Variants in ATXN2 observed in about 807,000 individuals in gnomAD.
The protein encoded by ATXN2 is ataxin-2.
A neutral mutation model predicts 138.6 loss-of-function variants in ATXN2; 37 were observed. That is an observed-to-expected ratio of 0.27 (90% CI 0.21 to 0.35). The LOEUF is 0.35. Among genes scored for constraint, ATXN2 ranks in the 10% least tolerant of loss-of-function variants. The pLI, the probability that ATXN2 is intolerant of heterozygous loss-of-function variation, is 1.00. For synonymous variants in ATXN2, 549 were observed against 543.7 expected (o/e 1.01, Z -0.13); for missense variants, 1,216 against 1,480.3 (o/e 0.82, Z 2.93).
At position 111,496,330 on chromosome 12, in the gene ATXN2, G is replaced by A. The variant is rs187599716; in HGVS notation, c.1936-7550C>T. Among the ~76,000 whole-genome samples the A allele has an allele frequency of 2.0e-3, 298 of 152,026 alleles. 1 individual carries two copies. The highest frequency in any genetic ancestry group is 6.8e-3 in the African/African-American group (284 of 41,464). On this transcript the variant is annotated intron_variant, in intron 14 of 24. Coordinates refer to ENST00000673436, the MANE Select transcript of ATXN2 (RefSeq NM_001372574.1). ...GTGGATCATCTGAGGTCAGGAGTTC[G>A]AGATCAGCTTGACCAACATGGTGAA...
At chr12:111,522,944 A>T (rs771669148) in intron 6 of ATXN2, among the ~76,000 whole-genome samples, 1 of 151,548 alleles carries the variant, frequency 6.6e-6, no homozygotes, top group East Asian at 1.9e-4. Context: ...AATTTCAGAC[A>T]TCTTCTAGGC....
intron 12 of ATXN2, 138 bp downstream of exon 12, chr12:111,510,247 T>A (rs1166948041): frequency 2.9e-6 from 3 of 1,029,064 alleles, no homozygotes. Flanking sequence ...AACATCAAAA[T>A]TTACATAAAC....
intron 1 of ATXN2, among the ~76,000 whole-genome samples, chr12:111,583,000 T>G (rs1307095635): frequency 0.014 from 1,931 of 135,740 alleles, 60 homozygotes; most frequent in African/African-American, 0.051. Context: ...TTTGTTTTTT[T>G]TTTTTTTTTG....
chr12:111,501,964 T>C (rs942752396), intron 14 of ATXN2, among the ~76,000 whole-genome samples: 1 of 151,930 alleles, frequency 6.6e-6, no homozygotes, highest in Non-Finnish European at 1.5e-5. Context: ...CAAGCTCACC[T>C]CACTGCAACC....
intron 6 of ATXN2, 54 bp downstream of exon 6, chr12:111,525,138 G>A (rs1880409027): frequency 8.4e-6 from 13 of 1,539,172 alleles, no homozygotes; most frequent in Non-Finnish European, 1.0e-5. Flanking sequence ...ACAACCAAGT[G>A]ACAGGATGTC....
At chr12:111,535,380 T>C (rs1021827665) in intron 5 of ATXN2, among the ~76,000 whole-genome samples, 1 of 151,964 alleles carries the variant, frequency 6.6e-6, no homozygotes, top group East Asian at 1.9e-4. Flanking sequence ...ATCCCAGCAA[T>C]TTGGGAGCCC....
rs1463558888 is a variant in ATXN2, at chr12:111,598,934, G to A, written c.101C>T (p.Ala34Val). 2.6e-6 allele frequency: 4 copies of A among 1,511,476 alleles called. No homozygotes were observed. In the African/African-American group the frequency reaches 4.3e-5, roughly 16 times the overall value. 93.6% of individuals were successfully genotyped at this position (1,511,476 alleles called of 1,614,324 possible). ...QQQQQPPPAA[A>V]NVRKPGGSGL... ...GCTGCCGCCGGGCTTGCGGACATTG[G>A]CAGCCGCGGGCGGCGGCTGCTGCTG... Residue 34 changes from alanine to valine, a missense_variant, in exon 1 of 25, where the codon GCC (alanine) becomes GTC (valine). By Grantham distance (64) the Ala-to-Val change is moderately conservative. Transcript: ENST00000673436. This position sits in a 1 kb window ranked among gnomAD's most constrained non-coding sequence, Gnocchi z 4.5.
intron 1 of ATXN2, among the ~76,000 whole-genome samples, chr12:111,585,801 CAAAAAAAAAAAA>C (rs761433806): frequency 6.9e-4 from 17 of 24,800 alleles, no homozygotes; most frequent in South Asian, 4.3e-3. Flanking sequence ...AACTCCATCT[CAAAAAAAAAAAA>C]AAAAAAAAAA....
chr12:111,490,664 C>T (rs551648268), intron 14 of ATXN2, among the ~76,000 whole-genome samples: 5 of 152,134 alleles, frequency 3.3e-5, no homozygotes, highest in African/African-American at 9.6e-5. Context: ...ATTAGGTAAG[C>T]GATCACAGTA....
At chr12:111,477,567 C>T (rs999462810) in intron 18 of ATXN2, among the ~76,000 whole-genome samples, 2 of 151,962 alleles carry the variant, frequency 1.3e-5, no homozygotes, top group African/African-American at 4.8e-5. Context: ...AAGCATGAAC[C>T]TTAAGAGAAA....
intron 1 of ATXN2, among the ~76,000 whole-genome samples, chr12:111,563,313 A>T (rs920337321): frequency 6.6e-6 from 1 of 152,102 alleles, no homozygotes; most frequent in Non-Finnish European, 1.5e-5. Flanking sequence ...GTGTATATAT[A>T]TGTGTATATA....
rs757873033 is a variant in ATXN2, at chr12:111,598,978, T to TGC, written c.56_57insGC (p.Gln20HisfsTer27). 181 of 1,292,984 alleles carry TGC rather than the reference T, an allele frequency of 1.4e-4. No homozygotes were observed. Among genetic ancestry groups the TGC allele is most frequent in the African/African-American group, 1.3e-3 (84 of 62,750 alleles). The allele number at this position is 1,292,984 out of a possible 1,614,324, so 80.1% of individuals were successfully genotyped here. On this transcript the variant is annotated frameshift_variant, in exon 1 of 25. Coordinates refer to ENST00000673436, the MANE Select transcript of ATXN2 (RefSeq NM_001372574.1). LOFTEE classifies it high-confidence loss of function. This position sits in a 1 kb window ranked among gnomAD's most constrained non-coding sequence, Gnocchi z 4.5. Reference sequence around the variant, plus strand: ...GCTGCTGCTGCTGCTGCTGCTGCTGTTGCTGCTGCTGCTGCTGCTGCTGCT... The same window carrying TGC: ...GCTGCTGCTGCTGCTGCTGCTGCTGTGCTGCTGCTGCTGCTGCTGCTGCTGCT...
rs146256091 is a variant in ATXN2, at chr12:111,455,044, C to A, written c.3270+985G>T. The A allele has an allele frequency of 1.2e-4, 81 of 703,020 alleles. No homozygotes were observed. In the African/African-American group the frequency reaches 1.4e-3, roughly 12 times the overall value. 43.5% of individuals were successfully genotyped at this position (703,020 alleles called of 1,614,324 possible). ...TCCCAGAGCTGTGGAACTCTACTTA[C>A]AAGGTAGCCTTCTGAGAGATAGATC... On this transcript the variant is annotated intron_variant, in intron 23 of 24. Transcript: ENST00000673436.
intron 14 of ATXN2, among the ~76,000 whole-genome samples, chr12:111,490,046 T>C (rs1169077904): frequency 1.4e-5 from 2 of 143,060 alleles, no homozygotes; most frequent in South Asian, 4.4e-4. Flanking sequence ...CTACTAAAGA[T>C]AAAAAAAAAA....
chr12:111,477,968 T>C (rs977650944), intron 18 of ATXN2, among the ~76,000 whole-genome samples: 1 of 151,598 alleles, frequency 6.6e-6, no homozygotes, highest in African/African-American at 2.4e-5. Context: ...CTTTTTTCTT[T>C]TTTTTTTTTG....
intron 20 of ATXN2, among the ~76,000 whole-genome samples, chr12:111,466,204 A>T (rs926002693): frequency 2.7e-5 from 4 of 148,730 alleles, no homozygotes; most frequent in South Asian, 2.1e-4. Context: ...TAAAAAATAA[A>T]AAAAAAAAAA....
At chr12:111,464,247 G>GGGGGGT (rs71445545) in intron 21 of ATXN2, among the ~76,000 whole-genome samples, 5 of 134,630 alleles carry the variant, frequency 3.7e-5, no homozygotes, top group Admixed American at 7.5e-5. Context: ...TGTGGCTTGG[G>GGGGGGT]GTGTGTGTGT....
At chr12:111,508,067 T>C (rs1383082789) in intron 14 of ATXN2, among the ~76,000 whole-genome samples, 2 of 152,106 alleles carry the variant, frequency 1.3e-5, no homozygotes, top group East Asian at 3.9e-4. Context: ...GAGACCTTTG[T>C]TCACTTTTTA....
At chr12:111,507,240 C>T (rs1393041616) in intron 14 of ATXN2, among the ~76,000 whole-genome samples, 1 of 150,960 alleles carries the variant, frequency 6.6e-6, no homozygotes, top group African/African-American at 2.4e-5. Context: ...CCCGGCCACC[C>T]GTCGTCTGAG....
Sources: allele counts gnomAD v4.1 joint callset (sites outside exome capture counted in the v4.1 genomes callset), GRCh38; gene constraint gnomAD v4.1.1; non-coding constraint Gnocchi (gnomAD v3.1); transcripts MANE v1.5; gene names NCBI Gene and HGNC (gene_info 2026-07-23, HGNC 2026-07-21).